The following ZP3 variants were observed in gnomAD, a reference collection of about 807,000 sequenced individuals.
ZP3 encodes zona pellucida glycoprotein 3.
Under a neutral mutation model 35.6 loss-of-function variants are expected in ZP3, and 21 were observed. The observed-to-expected ratio is 0.59, with a 90% CI of 0.42 to 0.85. ZP3 has a LOEUF of 0.85. ZP3 is among the 40% of genes least tolerant of loss of function. The pLI, the probability that ZP3 is intolerant of heterozygous loss-of-function variation, is 0.00. For synonymous variants in ZP3, 207 were observed against 214.5 expected (o/e 0.96, Z 0.31); for missense variants, 437 against 536.5 (o/e 0.81, Z 1.83).
chr7:76,433,023 G>A lies in ZP3; in HGVS notation c.528G>A (p.Leu176=). 1.2e-6 allele frequency: 2 copies of A among 1,613,850 alleles called. No homozygotes were observed. Residue 176 remains leucine, a synonymous_variant, in exon 3 of 8, where the codon CTG becomes CTA. Coordinates refer to ENST00000394857, the MANE Select transcript of ZP3 (RefSeq NM_001110354.2). Reference sequence around the variant, plus strand: ...AGAAGCTGACTTTCTCTCTGCGTCTGATGGAGGGTAAGAGAAGAAGGCTGG... The same window carrying A: ...AGAAGCTGACTTTCTCTCTGCGTCTAATGGAGGGTAAGAGAAGAAGGCTGG... ...SEEKLTFSLR[L]MEENWNAEKR...
In ZP3 at chr7:76,427,629, A is replaced by G. The variant is rs922990573; in HGVS notation, c.313-1886A>G. 2.6e-5 allele frequency among the ~76,000 whole-genome samples: 4 copies of G among 152,110 alleles called. 1 individual carries two copies. Among genetic ancestry groups the G allele is most frequent in the African/African-American group, 9.6e-5 (4 of 41,522 alleles). On this transcript the variant is annotated intron_variant, in intron 1 of 7. Coordinates refer to ENST00000394857, the MANE Select transcript of ZP3 (RefSeq NM_001110354.2). ...GCCCTCTTGCCCTGAAATGGTAATA[A>G]CTTTTGAATAAGGGGCCCCACGAGC...
chr7:76,419,393 A>G (rs1412684007), intron 1 of ZP3, among the ~76,000 whole-genome samples: 1 of 152,186 alleles, frequency 6.6e-6, no homozygotes, highest in East Asian at 1.9e-4. Context: ...CCCCAGATGG[A>G]TAATAATTGA....
chr7:76,431,886 G>C (rs1805834860), intron 2 of ZP3, among the ~76,000 whole-genome samples: 1 of 100,614 alleles, frequency 9.9e-6, no homozygotes, highest in South Asian at 3.6e-4. Context: ...GAGACAAAGT[G>C]AGACTCCGTC....
At chr7:76,431,670 C>T (rs986537203) in intron 2 of ZP3, among the ~76,000 whole-genome samples, 5 of 152,034 alleles carry the variant, frequency 3.3e-5, no homozygotes, top group South Asian at 2.1e-4. Context: ...GAGGCCGAGG[C>T]GGGCGGATCA....
At chr7:76,398,774 T>G (rs765137498) in intron 1 of ZP3, 37 of 1,613,020 alleles carry the variant, frequency 2.3e-5, no homozygotes, top group Non-Finnish European at 2.9e-5. Context: ...ATCTTCCTTG[T>G]TGGGGGCTGC....
At chr7:76,432,856 A>G (rs1166472215) in intron 2 of ZP3, 71 bp from the exon 3 acceptor site, 5 of 1,304,410 alleles carry the variant, frequency 3.8e-6, no homozygotes, top group Non-Finnish European at 4.4e-6. Context: ...GCAGTGAGAT[A>G]CTCCCCATCA....
intron 2 of ZP3, among the ~76,000 whole-genome samples, chr7:76,430,898 C>CCA (rs1185369251): frequency 2.0e-5 from 3 of 152,158 alleles, no homozygotes; most frequent in Non-Finnish European, 2.9e-5. Flanking sequence ...AGCCATGTGG[C>CCA]CACACACCCA....
At chr7:76,423,025 GAGAAAGAAAGAA>G (rs200948956), upstream of ZP3, among the ~76,000 whole-genome samples, 405 of 75,660 alleles carry the variant, frequency 5.4e-3, 11 homozygotes, top group East Asian at 0.021. Context: ...GAGAGAGAGA[GAGAAAGAAAGAA>G]AGAAAGAAAG....
chr7:76,418,670 C>T (rs1292221567), intron 1 of ZP3, among the ~76,000 whole-genome samples: 1 of 150,236 alleles, frequency 6.7e-6, no homozygotes, highest in Non-Finnish European at 1.5e-5. Context: ...TCCCAGCTAA[C>T]ACGGTAAAAC....
intron 7 of ZP3, among the ~76,000 whole-genome samples, chr7:76,441,225 A>G (rs1010836703): frequency 8.6e-5 from 13 of 151,424 alleles, no homozygotes; most frequent in Non-Finnish European, 1.8e-4. Flanking sequence ...TAATCCTAGC[A>G]CTTGGGGAGG....
intron 1 of ZP3, among the ~76,000 whole-genome samples, chr7:76,399,550 T>C (rs1168045198): frequency 6.6e-6 from 1 of 152,006 alleles, no homozygotes; most frequent in African/African-American, 2.4e-5. Flanking sequence ...TTCTTTGTTT[T>C]TCGAGACAGG....
Position 76,397,888 on chromosome 7 carries a change from G to A in ZP3, c.-67+91G>A. 4.1e-6 allele frequency: 6 copies of A among 1,446,520 alleles called. No homozygotes were observed. The Admixed American group carries it at 1.0e-4, about 25-fold the overall frequency. 89.6% of individuals were successfully genotyped at this position (1,446,520 alleles called of 1,614,324 possible). A position where few individuals can be genotyped will look rare whatever the true frequency, so the allele number is the denominator to read the frequency against. ...CTCCCACTGGCCTCTGCCCCCGTCC[G>A]CACCGCAAGGGCAGCCCGGTGTCCC... On this transcript the variant is annotated intron_variant, in intron 1 of 8. Coordinates refer to the ZP3 transcript ENST00000336517.
chr7:76,437,946 C>A (rs1291419392), intron 5 of ZP3, among the ~76,000 whole-genome samples: 1 of 152,342 alleles, frequency 6.6e-6, no homozygotes, highest in Non-Finnish European at 1.5e-5. Context: ...AAGCTTCTTA[C>A]TTGCAGGGCA....
At chr7:76,427,571 T>G (rs1046511063) in intron 1 of ZP3, among the ~76,000 whole-genome samples, 2 of 151,524 alleles carry the variant, frequency 1.3e-5, no homozygotes, top group African/African-American at 2.4e-5. Context: ...ATACAACCTG[T>G]GCAGTTCTGT....
chr7:76,412,704 C>T (rs999079382), intron 1 of ZP3, among the ~76,000 whole-genome samples: 1 of 151,872 alleles, frequency 6.6e-6, no homozygotes, highest in African/African-American at 2.4e-5. Context: ...ACAAAATTAG[C>T]CAGGGGTGGT....
In ZP3 at chr7:76,412,967, T is replaced by TC. The variant is rs1440072860; in HGVS notation, c.-66-12085_-66-12084insC. ...TTCTTTGTCTTCTTCTTCTTCTTCT[T>TC]TTTTTTTTTTTTTGAGACGGAGTCT... On this transcript the variant is annotated intron_variant, in intron 1 of 8. Transcript: ENST00000336517. 1.4e-4 allele frequency among the ~76,000 whole-genome samples: 20 copies of TC among 140,782 alleles called. No homozygotes were observed. In the South Asian group the frequency reaches 4.3e-3, roughly 30 times the overall value. 92.4% of individuals were successfully genotyped at this position (140,782 alleles called of 152,430 possible). A position where few individuals can be genotyped will look rare whatever the true frequency, so the allele number is the denominator to read the frequency against.
At chr7:76,416,643 C>T (rs1319150894) in intron 1 of ZP3, among the ~76,000 whole-genome samples, 1 of 151,444 alleles carries the variant, frequency 6.6e-6, no homozygotes, top group Non-Finnish European at 1.5e-5. Flanking sequence ...TCTGTCTCTA[C>T]AAAAAAATAG....
intron 5 of ZP3, among the ~76,000 whole-genome samples, chr7:76,437,884 A>G (rs117120562): frequency 1.3e-5 from 2 of 152,226 alleles, no homozygotes; most frequent in African/African-American, 4.8e-5. Context: ...TACTAGGAAA[A>G]AGCTAAGGAT....
intron 1 of ZP3, among the ~76,000 whole-genome samples, chr7:76,415,379 A>AAAAAAAAAAAAAAAAAAT (rs1271909277): frequency 6.7e-6 from 1 of 149,986 alleles, no homozygotes; most frequent in Non-Finnish European, 1.5e-5. Context: ...AAAAAAAAAA[A>AAAAAAAAAAAAAAAAAAT]GGTCTGGAAT....
Sources: allele counts gnomAD v4.1 joint callset (sites outside exome capture counted in the v4.1 genomes callset), GRCh38; gene constraint gnomAD v4.1.1; transcripts MANE v1.5; gene names NCBI Gene and HGNC (gene_info 2026-07-23, HGNC 2026-07-21).